The following IL5RA variants were observed in gnomAD, a reference collection of about 807,000 sequenced individuals.
IL5RA encodes the protein interleukin 5 receptor subunit alpha, also known as interleukin-5 receptor subunit alpha.
Under a neutral mutation model 50.0 loss-of-function variants are expected in IL5RA, and 49 were observed. That is an observed-to-expected ratio of 0.98 (90% CI 0.78 to 1.24). The LOEUF (loss-of-function observed/expected upper bound fraction) is 1.24, where lower values mean the gene tolerates loss of function less well. IL5RA is among the 50% of genes most tolerant of loss of function. The probability of loss-of-function intolerance (pLI) is 0.00; values close to 1 mark genes in which losing one functional copy is unlikely to be tolerated. For missense variants in IL5RA, 600 were observed against 500.4 expected (o/e 1.20, Z -1.90); for synonymous variants, 202 against 174.0 (o/e 1.16, Z -1.26).
rs550078277 is a variant in IL5RA, at chr3:3,102,926, T to C, written c.83-106A>G. 9 of 829,886 alleles carry C rather than the reference T, an allele frequency of 1.1e-5. No homozygotes were observed. In the South Asian group the frequency reaches 1.4e-4, roughly 13 times the overall value. 51.4% of individuals were successfully genotyped at this position (829,886 alleles called of 1,614,324 possible). A position where few individuals can be genotyped will look rare whatever the true frequency, so the allele number is the denominator to read the frequency against. On this transcript the variant is annotated intron_variant, in intron 3 of 11. Transcript: ENST00000446632. The stretch of plus-strand genomic sequence containing the variant: ...TGCCCTGCAGATGCTGTCCTGGACC[T>C]GCCAGCACCACAGACACAGTTGCTC...
rs1479231333 is a variant in IL5RA at position 3,098,154 on chromosome 3, C to T, written c.504G>A (p.Gln168=). ...GTACTAACCTATAGTAGAGAAAATA[C>T]TGCGTGTCCTCAGGGGCATCTGTGC... ...LVGTDAPEDT[Q]YFLYYRYGSW... is the part of the protein sequence containing the mutation. Residue 168 remains glutamine (Q), a synonymous_variant, in exon 6 of 12, where the codon CAG becomes CAA. Transcript: ENST00000446632. The T allele has an allele frequency of 6.2e-7, 1 of 1,614,172 alleles. No individual in the cohort carries two copies. Among genetic ancestry groups the T allele is most frequent in the Non-Finnish European group, 8.5e-7 (1 of 1,180,034 alleles).
At chr3:3,104,335 G>T (rs1340374802) in intron 3 of IL5RA, among the ~76,000 whole-genome samples, 3 of 152,186 alleles carry the variant, frequency 2.0e-5, no homozygotes, top group Admixed American at 1.3e-4. Flanking sequence ...CACTGCATAC[G>T]GCCTAAACTA....
chr3:3,090,546 CT>C (rs10711626), intron 9 of IL5RA, among the ~76,000 whole-genome samples: 58,937 of 131,432 alleles, frequency 0.45, 12,547 homozygotes, highest in Non-Finnish European at 0.5. Flanking sequence ...TTTGAATTTT[CT>C]TTTTTTTTTT....
chr3:3,086,451 T>C (rs1702865292), intron 9 of IL5RA, among the ~76,000 whole-genome samples: 1 of 151,750 alleles, frequency 6.6e-6, no homozygotes, highest in South Asian at 2.1e-4. Context: ...GAGAAAGACA[T>C]GTAAAAATTG....
At chr3:3,100,980 C>CAACAATAAT (rs1553753090) in intron 5 of IL5RA, among the ~76,000 whole-genome samples, 3 of 141,712 alleles carry the variant, frequency 2.1e-5, no homozygotes, top group Non-Finnish European at 4.6e-5. Flanking sequence ...AACCCCATCT[C>CAACAATAAT]AATAATAATA....
chr3:3,067,592 A>G lies in IL5RA; in HGVS notation c.*2633T>C, dbSNP rs1320091438. The stretch of plus-strand genomic sequence containing the variant: ...GAGAATCCAGAGGCGGGATCAACCA[A>G]CTCTGCTTTTGAAGGCTTCATGGAG... On this transcript the variant is annotated 3_prime_UTR_variant, in exon 12 of 12. Transcript: ENST00000446632. 1.3e-5 allele frequency: 2 copies of G among 152,244 alleles called. No individual in the cohort carries two copies. Among genetic ancestry groups the G allele is most frequent in the Non-Finnish European group, 2.9e-5 (2 of 68,134 alleles). 9.4% of individuals were successfully genotyped at this position (152,244 alleles called of 1,614,324 possible).
intron 9 of IL5RA, among the ~76,000 whole-genome samples, chr3:3,077,369 G>A (rs948947675): frequency 6.6e-6 from 1 of 152,194 alleles, no homozygotes; most frequent in African/African-American, 2.4e-5. Context: ...TGTTACATAT[G>A]TATAAACGTG....
intron 9 of IL5RA, among the ~76,000 whole-genome samples, chr3:3,085,042 G>A (rs1453732755): frequency 6.6e-6 from 1 of 152,218 alleles, no homozygotes; most frequent in Non-Finnish European, 1.5e-5. Flanking sequence ...GTCCCTGTTA[G>A]GCCTCCTTCA....
At chr3:3,108,374 A>G (rs1477047979) in intron 2 of IL5RA, among the ~76,000 whole-genome samples, 176 bp downstream of exon 2, 1 of 152,236 alleles carries the variant, frequency 6.6e-6, no homozygotes, top group Non-Finnish European at 1.5e-5. Flanking sequence ...TCATGAGTTC[A>G]GGTTGTGGCT....
intron 11 of IL5RA, among the ~76,000 whole-genome samples, chr3:3,070,678 G>A (rs1001129860): frequency 7.0e-6 from 1 of 142,886 alleles, no homozygotes; most frequent in Non-Finnish European, 1.5e-5. Context: ...CACCTCCCAG[G>A]TTCAAGTGAT....
rs1440509466 is a variant in IL5RA, at chr3:3,092,939, A to G, written c.856-577T>C. ...ACCATTGCCTATTTTAGCTCTTATT[A>G]TCTTTTGCTTGGACCTTTGCAGTAG... On this transcript the variant is annotated intron_variant, in intron 8 of 11. Transcript: ENST00000446632. The surrounding 1 kb of genome is among the most constrained non-coding windows in gnomAD (Gnocchi z 4.2). Among the ~76,000 whole-genome samples the G allele has an allele frequency of 6.6e-6, 1 of 151,806 alleles. No homozygotes were observed.
At chr3:3,095,716 C>T (rs531676375) in intron 7 of IL5RA, among the ~76,000 whole-genome samples, 29 of 151,738 alleles carry the variant, frequency 1.9e-4, no homozygotes, top group African/African-American at 7.0e-4. Flanking sequence ...ATTACTTCCC[C>T]CCCTCAGCTC....
chr3:3,084,167 G>A (rs1346296440), intron 9 of IL5RA, among the ~76,000 whole-genome samples: 2 of 152,156 alleles, frequency 1.3e-5, no homozygotes, highest in African/African-American at 4.8e-5. Context: ...CAGGGATAAG[G>A]ATCGAATGAA....
Position 3,070,573 on chromosome 3 carries a change from A to G in IL5RA, c.1177-262T>C, listed in dbSNP as rs1207599692. ...CTTACTTGAAGTCATATGGATACAC[A>G]TCTTTTTTTTTTTTTTTTTTTTTTT... On this transcript the variant is annotated intron_variant, in intron 11 of 11. Transcript: ENST00000446632. Among the ~76,000 whole-genome samples, 4 of 106,234 alleles carry G rather than the reference A, an allele frequency of 3.8e-5. No individual in the cohort carries two copies. In the Middle Eastern group the frequency reaches 0.016, roughly 428 times the overall value. The allele number at this position is 106,234 out of a possible 152,430, so 69.7% of individuals were successfully genotyped here.
In IL5RA at chr3:3,102,955, C is replaced by T. The variant is rs538942820; in HGVS notation, c.83-135G>A. On this transcript the variant is annotated intron_variant, in intron 3 of 11. Coordinates refer to ENST00000446632, the MANE Select transcript of IL5RA (RefSeq NM_175726.4). ...AGCACCACAGACACAGTTGCTCCTG[C>T]GTGCCTGTAACACCGGGGCAAAGAG... The T allele has an allele frequency of 4.2e-5, 26 of 614,190 alleles. No individual in the cohort carries two copies. The East Asian group carries it at 4.8e-4, about 11-fold the overall frequency. The allele number at this position is 614,190 out of a possible 1,614,324, so 38.0% of individuals were successfully genotyped here.
chr3:3,076,463 C>T, intron 10 of IL5RA, 68 bp downstream of exon 10: 1 of 974,082 alleles, frequency 1.0e-6, no homozygotes, highest in Non-Finnish European at 1.6e-6. Flanking sequence ...CTACCGGATG[C>T]ATGGTAAGCC....
chr3:3,086,041 A>G (rs1221597777), intron 9 of IL5RA, among the ~76,000 whole-genome samples: 2 of 152,122 alleles, frequency 1.3e-5, no homozygotes, highest in Non-Finnish European at 2.9e-5. Context: ...ACGAAAGTCA[A>G]ATTTGGGCCA....
intron 9 of IL5RA, among the ~76,000 whole-genome samples, chr3:3,088,152 T>C (rs1265816340): frequency 1.3e-5 from 2 of 152,150 alleles, no homozygotes; most frequent in East Asian, 1.9e-4. Flanking sequence ...GTAAGAGAGC[T>C]CTAAAGTGGA....
intron 9 of IL5RA, among the ~76,000 whole-genome samples, chr3:3,087,105 A>G (rs189368817): frequency 4.4e-4 from 67 of 152,312 alleles, no homozygotes; most frequent in Admixed American, 3.9e-3. Flanking sequence ...AAAGTCACCT[A>G]TTCAGTATGA....
Sources: allele counts gnomAD v4.1 joint callset (sites outside exome capture counted in the v4.1 genomes callset), GRCh38; gene constraint gnomAD v4.1.1; non-coding constraint Gnocchi (gnomAD v3.1); transcripts MANE v1.5; gene names NCBI Gene and HGNC (gene_info 2026-07-23, HGNC 2026-07-21).